Variants in EML2 observed in about 807,000 individuals in gnomAD.
EML2 encodes echinoderm microtubule-associated protein-like 2.
Under a neutral mutation model 84.7 loss-of-function variants are expected in EML2, and 59 were observed. The ratio of observed to expected loss-of-function variants is 0.70; its 90% CI spans 0.56 to 0.86. The LOEUF is 0.86. EML2 is among the 40% of genes least tolerant of loss of function. The pLI is 0.00. For synonymous variants in EML2, 352 were observed against 348.9 expected (o/e 1.01, Z -0.10); for missense variants, 818 against 855.6 (o/e 0.96, Z 0.55).
chr19:45,613,432 G>A (rs1485006850), intron 18 of EML2, 109 bp downstream of exon 18: 5 of 1,360,114 alleles, frequency 3.7e-6, no homozygotes, highest in Non-Finnish European at 5.1e-6. Flanking sequence ...TTGTACAGAT[G>A]GGGAAACCGA....
upstream of EML2, chr19:45,641,569 G>A (rs2122839291): frequency 6.9e-7 from 1 of 1,445,680 alleles, no homozygotes; most frequent in East Asian, 2.5e-5. Flanking sequence ...CTCGTGGCCT[G>A]GGGCATGACT....
At chr19:45,645,519 A>C, upstream of EML2, 2 of 1,310,114 alleles carry the variant, frequency 1.5e-6, no homozygotes, top group Non-Finnish European at 2.0e-6. Context: ...GATGCCCAGA[A>C]AGGGGGGTCG....
chr19:45,616,426 G>T, intron 15 of EML2, 35 bp downstream of exon 15: 2 of 1,525,232 alleles, frequency 1.3e-6, no homozygotes, highest in Non-Finnish European at 1.8e-6. Context: ...CCTGGGCGGG[G>T]TGGCGGCGCG....
Position 45,639,379 on chromosome 19 carries a change from C to G in EML2, c.-3G>C, listed in dbSNP as rs139854383. Reference sequence around the variant, plus strand: ...CACCCAGCTCCAAAGCTACTCATGGCGGCGGGTGGCGGAGCTTCGGGGCCG... The same window carrying G: ...CACCCAGCTCCAAAGCTACTCATGGGGGCGGGTGGCGGAGCTTCGGGGCCG... On this transcript the variant is annotated 5_prime_UTR_variant, in exon 1 of 19. Transcript: ENST00000245925. 3.0e-3 allele frequency: 3,741 copies of G among 1,259,492 alleles called. 6 individuals are homozygous for G. The highest frequency in any genetic ancestry group is 3.5e-3 in the Non-Finnish European group (3,449 of 993,856). The allele number at this position is 1,259,492 out of a possible 1,614,324, so 78.0% of individuals were successfully genotyped here. A position where few individuals can be genotyped will look rare whatever the true frequency, so the allele number is the denominator to read the frequency against.
At chr19:45,629,367 C>T (rs960840209) in intron 7 of EML2, among the ~76,000 whole-genome samples, 6 of 151,992 alleles carry the variant, frequency 3.9e-5, no homozygotes, top group African/African-American at 1.4e-4. Flanking sequence ...CTCTTGTTGC[C>T]CAGGCTGGAG....
intron 9 of EML2, among the ~76,000 whole-genome samples, chr19:45,624,424 C>T (rs1417661966): frequency 6.6e-6 from 1 of 152,124 alleles, no homozygotes; most frequent in African/African-American, 2.4e-5. Flanking sequence ...TCTACCCATC[C>T]GTCCTTCCTT....
intron 1 of EML2, 25 bp downstream of exon 1, chr19:45,639,332 G>T: frequency 7.4e-7 from 1 of 1,343,124 alleles, no homozygotes; most frequent in Non-Finnish European, 9.6e-7. Context: ...GAGGAGATGG[G>T]GGGTGGTCTG....
At chr19:45,639,459 G>A (rs1974192180), upstream of EML2, 2 of 1,222,984 alleles carry the variant, frequency 1.6e-6, no homozygotes, top group Non-Finnish European at 2.1e-6. Context: ...CGCCCGGGCC[G>A]CCGCGCCCCT....
intron 18 of EML2, 40 bp downstream of exon 18, chr19:45,613,501 T>C (rs765572456): frequency 6.2e-7 from 1 of 1,606,814 alleles, no homozygotes; most frequent in Admixed American, 1.7e-5. Context: ...CCACCCCTGC[T>C]TGCTACCCCC....
At chr19:45,612,543 G>A (rs1422215339) in intron 18 of EML2, among the ~76,000 whole-genome samples, 4 of 152,092 alleles carry the variant, frequency 2.6e-5, no homozygotes, top group Non-Finnish European at 1.5e-5. Context: ...GTGTGGTGGT[G>A]CACGCCTGTA....
intron 1 of EML2, 73 bp downstream of exon 1, chr19:45,639,284 T>G: frequency 7.6e-7 from 1 of 1,321,496 alleles, no homozygotes; most frequent in South Asian, 1.9e-5. Context: ...GTCCCAGGGG[T>G]TGGGTGAAAC....
chr19:45,645,097 G>A (rs1974928633), upstream of EML2, among the ~76,000 whole-genome samples: 1 of 152,084 alleles, frequency 6.6e-6, no homozygotes, highest in African/African-American at 2.4e-5. Context: ...GGGGGGCTGG[G>A]ATCTAGGTTT....
At chr19:45,643,656 G>A, upstream of EML2, 1 of 1,536,066 alleles carries the variant, frequency 6.5e-7, no homozygotes, top group South Asian at 1.2e-5. Context: ...CTTAGACGGG[G>A]ACAGGGCGTG....
upstream of EML2, chr19:45,643,542 T>G (rs1188181269): frequency 4.6e-6 from 7 of 1,533,714 alleles, no homozygotes; most frequent in Non-Finnish European, 6.1e-6. Flanking sequence ...GAGACCGAAG[T>G]GGCCCCTCTC....
At position 45,621,521 on chromosome 19, in the gene EML2, G is replaced by C; in HGVS notation, c.958C>G (p.Leu320Val). ...SGGGRDRRVV[L>V]WGSDYSKLQE... Reference sequence around the variant, plus strand: ...AGCTTGCTGTAGTCAGAACCCCAGAGGACCACCCGCCGATCACGGCCCCCT... The same window carrying C: ...AGCTTGCTGTAGTCAGAACCCCAGACGACCACCCGCCGATCACGGCCCCCT... The change falls in exon 10 of 19, where the codon CTC (leucine) becomes GTC (valine). Residue 320 changes from leucine to valine, a missense_variant. By Grantham distance (32) the Leu-to-Val change is conservative. Transcript: ENST00000245925. 6.2e-7 allele frequency: 1 copy of C among 1,612,124 alleles called. No homozygotes were observed. The highest frequency in any genetic ancestry group is 8.5e-7 in the Non-Finnish European group (1 of 1,179,926).
In EML2 at chr19:45,614,591, A is replaced by G; in HGVS notation, c.1693+14T>C. 1 of 1,611,182 alleles carries G rather than the reference A, an allele frequency of 6.2e-7. No individual in the cohort carries two copies. The highest frequency in any genetic ancestry group is 8.5e-7 in the Non-Finnish European group (1 of 1,177,412). On this transcript the variant is annotated intron_variant, in intron 17 of 18. Transcript: ENST00000245925. ...TACTGTCCTCAGTGAGACCTCTCTC[A>G]TTCCAGAACTCACCAAACACCCCAA...
chr19:45,639,257 TC>T, intron 1 of EML2, 99 bp downstream of exon 1: 2 of 1,156,174 alleles, frequency 1.7e-6, no homozygotes, highest in Non-Finnish European at 2.3e-6. Context: ...AAGGGGCGTG[TC>T]CCCACGCCGG....
intron 8 of EML2, among the ~76,000 whole-genome samples, chr19:45,625,183 A>G (rs987557991): frequency 6.6e-6 from 1 of 152,110 alleles, no homozygotes; most frequent in African/African-American, 2.4e-5. Context: ...CTCCTGCCTC[A>G]GCCTCCCAAG....
At chr19:45,641,529 G>T, upstream of EML2, 1 of 1,078,260 alleles carries the variant, frequency 9.3e-7, no homozygotes, top group Non-Finnish European at 1.3e-6. Flanking sequence ...CCCCGCTTTT[G>T]AACTAGCTGG....
Sources: gnomAD v4.1 joint callset for allele counts (sites outside exome capture counted in the v4.1 genomes callset) on GRCh38, gnomAD v4.1.1 for gene constraint, MANE v1.5 for transcripts, NCBI Gene and HGNC (gene_info 2026-07-23, HGNC 2026-07-21) for gene names.